Variants in GNG7 observed in about 807,000 individuals in gnomAD.
GNG7 encodes the protein G protein subunit gamma 7.
Under a neutral mutation model 4.0 loss-of-function variants are expected in GNG7, and 1 was observed. The observed-to-expected ratio is 0.25, with a 90% CI of 0.09 to 1.18. The LOEUF (loss-of-function observed/expected upper bound fraction) is 1.18. Ranked by LOEUF, GNG7 falls within the 50% of genes most tolerant of loss-of-function variation. The pLI, the probability that GNG7 is intolerant of heterozygous loss-of-function variation, is 0.50. For synonymous variants in GNG7, 34 were observed against 36.9 expected, an observed-to-expected ratio of 0.92 and a Z score of 0.29; for missense variants, 86 against 91.9, an observed-to-expected ratio of 0.94 and a Z score of 0.26.
chr19:2,585,136 G>T (rs1980633494), intron 2 of GNG7, among the ~76,000 whole-genome samples: 1 of 144,518 alleles, frequency 6.9e-6, no homozygotes, highest in Non-Finnish European at 1.5e-5. Context: ...ATGAAGGAAG[G>T]AAGGGCCTTG....
chr19:2,687,571 G>A (rs1399957275), intron 1 of GNG7, among the ~76,000 whole-genome samples: 4 of 152,018 alleles, frequency 2.6e-5, no homozygotes, highest in Admixed American at 1.3e-4. Flanking sequence ...AGCCGAGATC[G>A]CACCATTGCA....
intron 1 of GNG7, among the ~76,000 whole-genome samples, chr19:2,698,780 G>T (rs535716744): frequency 2.1e-5 from 3 of 146,000 alleles, no homozygotes; most frequent in Non-Finnish European, 4.4e-5. Context: ...CACTACTATC[G>T]GTGAACAAGA....
At chr19:2,603,947 T>A (rs918789342) in intron 2 of GNG7, among the ~76,000 whole-genome samples, 1 of 151,826 alleles carries the variant, frequency 6.6e-6, no homozygotes, top group African/African-American at 2.4e-5. Context: ...GCCTCCTGGG[T>A]TCACGCCATT....
chr19:2,562,940 C>A (rs3859565), intron 2 of GNG7, among the ~76,000 whole-genome samples: 2 of 72,918 alleles, frequency 2.7e-5, no homozygotes, highest in Non-Finnish European at 6.2e-5. Context: ...CAATCTTTTT[C>A]TTTTTCTTTT....
At chr19:2,577,999 G>A (rs991947532) in intron 2 of GNG7, among the ~76,000 whole-genome samples, 6 of 151,816 alleles carry the variant, frequency 4.0e-5, no homozygotes, top group Non-Finnish European at 7.4e-5. Context: ...CACCACGCCC[G>A]GCTAATTCTT....
intron 2 of GNG7, among the ~76,000 whole-genome samples, chr19:2,597,769 G>A (rs1367296056): frequency 2.1e-5 from 3 of 145,330 alleles, no homozygotes; most frequent in Non-Finnish European, 4.5e-5. Context: ...GGTGGCGGGC[G>A]CCTGTAGTGC....
chr19:2,657,326 C>T (rs1983000210), intron 1 of GNG7, among the ~76,000 whole-genome samples: 1 of 93,234 alleles, frequency 1.1e-5, no homozygotes, highest in Non-Finnish European at 2.0e-5. Context: ...AAAGCAAGAC[C>T]CCGTCTCAAT....
rs191869015 is a variant in GNG7 at position 2,609,906 on chromosome 19, G to A, written c.-78+36318C>T. Among the ~76,000 whole-genome samples the A allele has an allele frequency of 7.2e-5, 11 of 152,184 alleles. No homozygotes were observed. The highest frequency in any genetic ancestry group is 2.6e-4 in the Admixed American group (4 of 15,276). On this transcript the variant is annotated intron_variant, in intron 2 of 4. Coordinates refer to ENST00000382159, the MANE Select transcript of GNG7 (RefSeq NM_052847.3). This position sits in a 1 kb window ranked among gnomAD's most constrained non-coding sequence, Gnocchi z 4.4. ...CTGACCACGAGTGAGGAAATTGAACGGTACAGGAAAAGCAGGAGAGCGTGC... is the reference window on the plus strand; with the variant it reads ...CTGACCACGAGTGAGGAAATTGAACAGTACAGGAAAAGCAGGAGAGCGTGC...
chr19:2,629,659 G>A (rs550683401), intron 2 of GNG7, among the ~76,000 whole-genome samples: 2 of 152,190 alleles, frequency 1.3e-5, no homozygotes, highest in Non-Finnish European at 2.9e-5. Flanking sequence ...TGAACGCAGT[G>A]TGGGGGCACA....
rs974554641 is a variant in GNG7, at chr19:2,609,379, C to T, written c.-78+36845G>A. 3.9e-5 allele frequency among the ~76,000 whole-genome samples: 6 copies of T among 152,196 alleles called. No homozygotes were observed. The highest frequency in any genetic ancestry group is 1.9e-4 in the East Asian group (1 of 5,178). Reference sequence around the variant, plus strand: ...CATCTTGGTCGCTGAGGTTTTTTAGCGCCCCCTTCAATTTTGTGCCCAGTG... The same window carrying T: ...CATCTTGGTCGCTGAGGTTTTTTAGTGCCCCCTTCAATTTTGTGCCCAGTG... On this transcript the variant is annotated intron_variant, in intron 2 of 4. Transcript: ENST00000382159. This position sits in a 1 kb window ranked among gnomAD's most constrained non-coding sequence, Gnocchi z 4.4.
chr19:2,664,757 G>T (rs1467990216), intron 1 of GNG7, among the ~76,000 whole-genome samples: 1 of 151,948 alleles, frequency 6.6e-6, no homozygotes, highest in Non-Finnish European at 1.5e-5. Flanking sequence ...TTAATGCAAG[G>T]TCTCTCCCCT....
intron 2 of GNG7, among the ~76,000 whole-genome samples, chr19:2,623,381 ATACTTG>A (rs1441274904): frequency 2.0e-5 from 3 of 151,952 alleles, no homozygotes; most frequent in African/African-American, 7.3e-5. Context: ...GCTCGGACAG[ATACTTG>A]TACTGTTCAC....
intron 3 of GNG7, among the ~76,000 whole-genome samples, chr19:2,521,786 G>T (rs1416551624): frequency 6.6e-6 from 1 of 151,822 alleles, no homozygotes; most frequent in African/African-American, 2.4e-5. Context: ...GCTAATTTTT[G>T]TATTTTTAGT....
intron 4 of GNG7, among the ~76,000 whole-genome samples, chr19:2,516,450 C>G (rs970875799): frequency 6.6e-6 from 1 of 152,030 alleles, no homozygotes. Context: ...TCTCAAACTC[C>G]TAACTTCAAG....
Position 2,512,295 on chromosome 19 carries a change from C to T in GNG7, c.*2727G>A. 1 of 985,796 alleles carries T rather than the reference C, an allele frequency of 1.0e-6. No individual in the cohort carries two copies. The highest frequency in any genetic ancestry group is 1.2e-6 in the Non-Finnish European group (1 of 829,940). The allele number at this position is 985,796 out of a possible 1,614,324, so 61.1% of individuals were successfully genotyped here. A position where few individuals can be genotyped will look rare whatever the true frequency, so the allele number is the denominator to read the frequency against. On this transcript the variant is annotated 3_prime_UTR_variant, in exon 5 of 5. Coordinates refer to ENST00000382159, the MANE Select transcript of GNG7 (RefSeq NM_052847.3). The surrounding 1 kb of genome is among the most constrained non-coding windows in gnomAD (Gnocchi z 4.7). The stretch of plus-strand genomic sequence containing the variant: ...GCACATGTGGCGGTCGGTGTGTGCA[C>T]TCGGGTGCCACGTCTGCAAAGGTAT...
At chr19:2,519,007 A>G (rs2144726424) in intron 4 of GNG7, among the ~76,000 whole-genome samples, 2 of 151,996 alleles carry the variant, frequency 1.3e-5, no homozygotes, top group South Asian at 4.2e-4. Context: ...CATATTGGCC[A>G]GGCTGGTCTC....
chr19:2,625,451 C>T (rs931794543), intron 2 of GNG7, among the ~76,000 whole-genome samples: 1 of 152,040 alleles, frequency 6.6e-6, no homozygotes, highest in African/African-American at 2.4e-5. Flanking sequence ...CGGCCTCAAG[C>T]GATCTTCCCA....
At chr19:2,607,599 A>AT (rs1981431002) in intron 2 of GNG7, among the ~76,000 whole-genome samples, 1 of 150,566 alleles carries the variant, frequency 6.6e-6, no homozygotes, top group Non-Finnish European at 1.5e-5. Context: ...AAAAGAAAAA[A>AT]GAAAAAGAAA....
chr19:2,552,445 T>C (rs183470340), intron 3 of GNG7, among the ~76,000 whole-genome samples: 29 of 152,124 alleles, frequency 1.9e-4, no homozygotes, highest in African/African-American at 6.7e-4. Context: ...AGTACAATGG[T>C]GCGATCTCGG....
Sources: allele counts gnomAD v4.1 joint callset (sites outside exome capture counted in the v4.1 genomes callset), GRCh38; gene constraint gnomAD v4.1.1; non-coding constraint Gnocchi (gnomAD v3.1); transcripts MANE v1.5; gene names NCBI Gene and HGNC (gene_info 2026-07-23, HGNC 2026-07-21).